The following PEG3 variants were observed in gnomAD, a reference collection of about 807,000 sequenced individuals.
PEG3 encodes paternally expressed 3.
In PEG3, 23 loss-of-function variants were observed where a neutral mutation model predicts 35.5. The ratio of observed to expected loss-of-function variants is 0.65; its 90% CI spans 0.47 to 0.92. The LOEUF is 0.92. Among genes scored for constraint, PEG3 ranks in the 40% least tolerant of loss-of-function variants. The pLI is 0.00. For synonymous variants in PEG3, 707 were observed against 697.0 expected (o/e 1.01, Z -0.23); for missense variants, 1,960 against 1,985.3 (o/e 0.99, Z 0.24).
Position 56,824,731 on chromosome 19 carries a change from T to A in PEG3, c.-76A>T. On this transcript the variant is annotated 5_prime_UTR_variant, in exon 4 of 10. Coordinates refer to ENST00000326441, the MANE Select transcript of PEG3 (RefSeq NM_006210.3). ...AGACGCGGCAGCCTGTGACCGTCAGTACTCAGGGACCTGTGGATCGTAAGG... is the reference window on the plus strand; with the variant it reads ...AGACGCGGCAGCCTGTGACCGTCAGAACTCAGGGACCTGTGGATCGTAAGG... 1 of 1,379,836 alleles carries A rather than the reference T, an allele frequency of 7.2e-7. No individual in the cohort carries two copies. The highest frequency in any genetic ancestry group is 1.4e-5 in the South Asian group (1 of 73,706). The allele number at this position is 1,379,836 out of a possible 1,614,324, so 85.5% of individuals were successfully genotyped here. A position where few individuals can be genotyped will look rare whatever the true frequency, so the allele number is the denominator to read the frequency against.
Position 56,817,817 on chromosome 19 carries a change from T to C in PEG3, c.791A>G (p.Asp264Gly). ...GCCCTGCGTCATGTGGGAGTGGCCA[T>C]CGTCTTCAGCAAGCTGCACTCCTGG... ...LLSLVQLAED[D>G]GHSHMTQGHS... Residue 264 changes from aspartate to glycine, a missense_variant, in exon 9 of 10, where the codon GAT (aspartate) becomes GGT (glycine). Asp to Gly is a moderately conservative substitution (Grantham distance 94). Transcript: ENST00000326441. The C allele has an allele frequency of 6.2e-7, 1 of 1,614,050 alleles. No individual in the cohort carries two copies. Among genetic ancestry groups the C allele is most frequent in the Non-Finnish European group, 8.5e-7 (1 of 1,179,992 alleles).
chr19:56,838,991 C>T (rs2062585497), intron 1 of PEG3, among the ~76,000 whole-genome samples: 1 of 152,154 alleles, frequency 6.6e-6, no homozygotes, highest in African/African-American at 2.4e-5. Context: ...GCCGCATCTG[C>T]CGCCAACCAA....
chr19:56,821,636 G>A lies in PEG3; in HGVS notation c.669+15C>T. On this transcript the variant is annotated intron_variant, in intron 7 of 9. Transcript: ENST00000326441. ...GAAGATGGCCTTTCTAGAAAGAGAG[G>A]AAACCTGAGCATACCTGAGATCGGG... is the stretch of plus-strand genomic sequence containing the variant. 1 of 1,612,622 alleles carries A rather than the reference G, an allele frequency of 6.2e-7. No individual in the cohort carries two copies.
chr19:56,824,194 G>A, intron 4 of PEG3, 68 bp downstream of exon 4: 1 of 1,565,518 alleles, frequency 6.4e-7, no homozygotes, highest in South Asian at 1.2e-5. Context: ...TCAGAAGTGT[G>A]GAGGCTGAGA....
intron 2 of PEG3, among the ~76,000 whole-genome samples, chr19:56,829,739 G>C (rs1417422697): frequency 2.6e-5 from 4 of 152,218 alleles, no homozygotes; most frequent in Non-Finnish European, 5.9e-5. Flanking sequence ...ACTAGCAGTG[G>C]GGCCAGATGC....
chr19:56,833,966 C>A (rs929110200), intron 2 of PEG3, among the ~76,000 whole-genome samples: 7 of 152,194 alleles, frequency 4.6e-5, no homozygotes, highest in African/African-American at 1.2e-4. Context: ...GCAGCAAAAT[C>A]TCCTTGTTGT....
At position 56,812,297 on chromosome 19, in the gene PEG3, G is replaced by A. The variant is rs1201311698; in HGVS notation, c.*1378C>T. The stretch of plus-strand genomic sequence containing the variant: ...TGTAATTAAAAGAATACTAAGATTA[G>A]ATGAACACAACACTCAGAAATACTC... On this transcript the variant is annotated 3_prime_UTR_variant, in exon 10 of 10. Transcript: ENST00000326441. 27 of 981,500 alleles carry A rather than the reference G, an allele frequency of 2.8e-5. No individual in the cohort carries two copies. Among genetic ancestry groups the A allele is most frequent in the Non-Finnish European group, 3.3e-5 (27 of 826,612 alleles). 60.8% of individuals were successfully genotyped at this position (981,500 alleles called of 1,614,324 possible).
Position 56,817,211 on chromosome 19 carries a change from G to A in PEG3, c.1231C>T (p.Pro411Ser). 1 of 1,614,156 alleles carries A rather than the reference G, an allele frequency of 6.2e-7. No individual in the cohort carries two copies. The highest frequency in any genetic ancestry group is 1.6e-4 in the Middle Eastern group (1 of 6,062). Residue 411 changes from proline to serine, a missense_variant, in exon 10 of 10, where the codon CCC becomes TCC. By Grantham distance (74) the Pro-to-Ser change is moderately conservative. Coordinates refer to ENST00000326441, the MANE Select transcript of PEG3 (RefSeq NM_006210.3). ...CCACATTCAAAGGGCTTCTTCCTGG[G>A]ACAGCCTTTTTGATCGTGAATCGAG... Reference protein sequence around the residue: ...KGSIHDQKGCPRKKPFECGSE... With the variant: ...KGSIHDQKGCSRKKPFECGSE...
At chr19:56,822,185 G>A (rs2060560567) in intron 6 of PEG3, among the ~76,000 whole-genome samples, 1 of 152,192 alleles carries the variant, frequency 6.6e-6, no homozygotes, top group African/African-American at 2.4e-5. Flanking sequence ...ACTCACTCCT[G>A]ATATCCTTCT....
Position 56,812,706 on chromosome 19 carries a change from C to G in PEG3, c.*969G>C, listed in dbSNP as rs2059618437. On this transcript the variant is annotated 3_prime_UTR_variant, in exon 10 of 10. Coordinates refer to ENST00000326441, the MANE Select transcript of PEG3 (RefSeq NM_006210.3). Reference sequence around the variant, plus strand: ...GGTTCTCAACCTTCATTAGGCACTACTGTGATCTAGTGATGGTTGTAACCC... The same window carrying G: ...GGTTCTCAACCTTCATTAGGCACTAGTGTGATCTAGTGATGGTTGTAACCC... The G allele has an allele frequency of 1.0e-6, 1 of 982,980 alleles. No homozygotes were observed. The highest frequency in any genetic ancestry group is 1.2e-6 in the Non-Finnish European group (1 of 827,624). 60.9% of individuals were successfully genotyped at this position (982,980 alleles called of 1,614,324 possible).
Position 56,811,948 on chromosome 19 carries a change from T to G in PEG3, c.*1727A>C, listed in dbSNP as rs2059568352. The G allele has an allele frequency of 1.2e-5, 12 of 985,388 alleles. No homozygotes were observed. Among genetic ancestry groups the G allele is most frequent in the Non-Finnish European group, 1.4e-5 (12 of 829,910 alleles). 61.0% of individuals were successfully genotyped at this position (985,388 alleles called of 1,614,324 possible). A position where few individuals can be genotyped will look rare whatever the true frequency, so the allele number is the denominator to read the frequency against. On this transcript the variant is annotated 3_prime_UTR_variant, in exon 10 of 10. Coordinates refer to ENST00000326441, the MANE Select transcript of PEG3 (RefSeq NM_006210.3). Reference sequence around the variant, plus strand: ...CTTTGACTCACTCATTTCTGCTTCTTGCTCTCAGCTCTACAATCTTCCTAA... The same window carrying G: ...CTTTGACTCACTCATTTCTGCTTCTGGCTCTCAGCTCTACAATCTTCCTAA...
At chr19:56,822,860 G>A in intron 5 of PEG3, 24 bp from the exon 6 acceptor site, 2 of 1,607,488 alleles carry the variant, frequency 1.2e-6, no homozygotes, top group Non-Finnish European at 1.7e-6. Context: ...ACATTCCAGT[G>A]GTTAACAAAG....
chr19:56,817,919 C>T (rs754936835), intron 8 of PEG3, 84 bp from the exon 9 acceptor site: 149 of 1,096,814 alleles, frequency 1.4e-4, no homozygotes, highest in Non-Finnish European at 2.0e-4. Context: ...TCATCTTTCA[C>T]TGAGCCACTA....
rs1275415577 is a variant in PEG3, at chr19:56,822,742, T to A, written c.565+11A>T. On this transcript the variant is annotated intron_variant, in intron 6 of 9. Coordinates refer to ENST00000326441, the MANE Select transcript of PEG3 (RefSeq NM_006210.3). ...TATCTCCTACTGGGAAAGAAAGTGG[T>A]TAAGACTCACTGCTTCTTGGGTTCC... 7.4e-6 allele frequency: 12 copies of A among 1,613,632 alleles called. No homozygotes were observed. The highest frequency in any genetic ancestry group is 1.0e-5 in the Non-Finnish European group (12 of 1,179,934).
At chr19:56,822,279 G>T (rs2060569422) in intron 6 of PEG3, among the ~76,000 whole-genome samples, 1 of 152,152 alleles carries the variant, frequency 6.6e-6, no homozygotes, top group African/African-American at 2.4e-5. Context: ...CAGCAGTATG[G>T]ACACCAACAA....
intron 2 of PEG3, chr19:56,833,656 A>G: frequency 5.8e-6 from 1 of 173,832 alleles, no homozygotes; most frequent in Non-Finnish European, 1.2e-5. Flanking sequence ...TCCAGGTGGG[A>G]TGACTCAGGA....
At chr19:56,825,061 T>G (rs1376252009) in intron 3 of PEG3, 2 of 169,082 alleles carry the variant, frequency 1.2e-5, no homozygotes, top group Non-Finnish European at 2.6e-5. Flanking sequence ...TTCAGAATTG[T>G]GAAGCTTAAA....
At chr19:56,823,486 G>A (rs1335013344) in intron 5 of PEG3, 107 bp downstream of exon 5, 10 of 1,324,116 alleles carry the variant, frequency 7.6e-6, no homozygotes, top group South Asian at 1.2e-5. Flanking sequence ...CTGACCACTC[G>A]GGGATGGCGG....
At position 56,810,370 on chromosome 19, in the gene PEG3, A is replaced by G. The variant is rs73626608; in HGVS notation, c.*3305T>C. 8.6e-3 allele frequency: 8,499 copies of G among 985,392 alleles called. 563 individuals are homozygous for G. The African/African-American group carries it at 0.14, about 16-fold the overall frequency. 61.0% of individuals were successfully genotyped at this position (985,392 alleles called of 1,614,324 possible). A position where few individuals can be genotyped will look rare whatever the true frequency, so the allele number is the denominator to read the frequency against. ...TCAAGGAAACCGAAACAAAATAACC[A>G]TAATCCCACAACAACCACACAACTA... On this transcript the variant is annotated 3_prime_UTR_variant, in exon 10 of 10. Coordinates refer to ENST00000326441, the MANE Select transcript of PEG3 (RefSeq NM_006210.3).
Sources: allele counts gnomAD v4.1 joint callset (sites outside exome capture counted in the v4.1 genomes callset), GRCh38; gene constraint gnomAD v4.1.1; transcripts MANE v1.5; gene names NCBI Gene and HGNC (gene_info 2026-07-23, HGNC 2026-07-21).